OLFM3: variants seen among roughly 807,000 people sequenced by gnomAD.
OLFM3 encodes olfactomedin 3.
A neutral mutation model predicts 48.6 loss-of-function variants in OLFM3; 20 were observed. That is an observed-to-expected ratio of 0.41 (90% CI 0.29 to 0.60). The LOEUF is 0.60. Ranked by LOEUF, OLFM3 falls within the 20% of genes least tolerant of loss-of-function variation. The pLI is 0.28. For missense variants in OLFM3, 437 were observed against 544.3 expected, an observed-to-expected ratio of 0.80 and a Z score of 1.96; for synonymous variants, 222 against 198.1, an observed-to-expected ratio of 1.12 and a Z score of -1.01.
intron 1 of OLFM3, among the ~76,000 whole-genome samples, chr1:101,858,909 G>T (rs531429955): frequency 6.6e-6 from 1 of 152,062 alleles, no homozygotes; most frequent in South Asian, 2.1e-4. Context: ...GTCATTAACT[G>T]TTAGTGATTA....
At chr1:101,823,955 T>C (rs1235552992) in intron 4 of OLFM3, among the ~76,000 whole-genome samples, 2 of 150,172 alleles carry the variant, frequency 1.3e-5, no homozygotes, top group Non-Finnish European at 3.0e-5. Context: ...CTGTGATAAC[T>C]GAATGCAACA....
At chr1:101,822,798 G>A (rs1654671764) in intron 4 of OLFM3, among the ~76,000 whole-genome samples, 1 of 152,020 alleles carries the variant, frequency 6.6e-6, no homozygotes, top group South Asian at 2.1e-4. Context: ...AAATATAACA[G>A]CAGAATTTCC....
chr1:101,969,307 C>T (rs906314466), intron 1 of OLFM3, among the ~76,000 whole-genome samples: 6 of 128,360 alleles, frequency 4.7e-5, no homozygotes, highest in African/African-American at 1.8e-4. Context: ...CAACACCACG[C>T]CTGGCTATTT....
chr1:101,915,137 T>G (rs1658880693), intron 1 of OLFM3, among the ~76,000 whole-genome samples: 1 of 152,136 alleles, frequency 6.6e-6, no homozygotes, highest in Admixed American at 6.6e-5. Context: ...AATACAACAT[T>G]GCAGAAAAAG....
intron 1 of OLFM3, among the ~76,000 whole-genome samples, chr1:101,879,677 T>A (rs1370295571): frequency 6.6e-6 from 1 of 151,860 alleles, no homozygotes; most frequent in Non-Finnish European, 1.5e-5. Context: ...GAATGCCATT[T>A]TGGTAAATGT....
At chr1:101,976,835 A>G (rs983679933) in intron 1 of OLFM3, among the ~76,000 whole-genome samples, 23 of 152,164 alleles carry the variant, frequency 1.5e-4, no homozygotes, top group African/African-American at 4.8e-4. Flanking sequence ...CCTTCTAAGA[A>G]TCTAAATTAC....
intron 1 of OLFM3, among the ~76,000 whole-genome samples, chr1:101,968,342 A>C (rs981718585): frequency 4.6e-5 from 7 of 152,192 alleles, no homozygotes; most frequent in African/African-American, 1.7e-4. Flanking sequence ...GAGATTTCCA[A>C]GTCAGAGAAG....
chr1:101,815,454 G>GAAA (rs71088110), intron 4 of OLFM3, among the ~76,000 whole-genome samples: 14 of 128,040 alleles, frequency 1.1e-4, no homozygotes, highest in African/African-American at 3.7e-4. Context: ...CTCAAAAAAA[G>GAAA]AAAAAAAAAA....
chr1:101,888,736 T>G (rs1476056158), intron 1 of OLFM3, among the ~76,000 whole-genome samples: 2 of 152,046 alleles, frequency 1.3e-5, no homozygotes. Flanking sequence ...GGAGAAAATT[T>G]TTGCAATCTA....
intron 1 of OLFM3, among the ~76,000 whole-genome samples, chr1:101,995,702 A>T (rs1423302952): frequency 6.6e-6 from 1 of 152,204 alleles, no homozygotes; most frequent in Non-Finnish European, 1.5e-5. Flanking sequence ...ATTTGTCTAC[A>T]CTACACACAT....
chr1:101,898,358 T>A (rs531138654), intron 1 of OLFM3, among the ~76,000 whole-genome samples: 1 of 152,316 alleles, frequency 6.6e-6, no homozygotes, highest in African/African-American at 2.4e-5. Flanking sequence ...AGATTGAGGA[T>A]TTAGTTTCTG....
intron 1 of OLFM3, among the ~76,000 whole-genome samples, chr1:101,988,950 C>T (rs943883968): frequency 1.3e-5 from 2 of 151,984 alleles, no homozygotes; most frequent in African/African-American, 2.4e-5. Flanking sequence ...AACTTTTGTT[C>T]ATGAACAACT....
At chr1:101,864,996 A>G (rs1197684596) in intron 1 of OLFM3, among the ~76,000 whole-genome samples, 2 of 152,078 alleles carry the variant, frequency 1.3e-5, no homozygotes, top group African/African-American at 4.8e-5. Context: ...ATTTGGTTTT[A>G]TCTATTAGGT....
chr1:101,994,192 G>GTA (rs1661494428), intron 1 of OLFM3, among the ~76,000 whole-genome samples: 1 of 150,726 alleles, frequency 6.6e-6, no homozygotes, highest in African/African-American at 2.4e-5. Flanking sequence ...TCCATGTGAG[G>GTA]TATATATATT....
chr1:101,929,215 A>G (rs545557694), intron 1 of OLFM3, among the ~76,000 whole-genome samples: 1 of 152,290 alleles, frequency 6.6e-6, no homozygotes, highest in East Asian at 1.9e-4. Context: ...AAGTGCTCTC[A>G]GTGTAATCAT....
At chr1:101,973,870 T>C (rs1054346529) in intron 1 of OLFM3, among the ~76,000 whole-genome samples, 3 of 152,218 alleles carry the variant, frequency 2.0e-5, no homozygotes, top group Non-Finnish European at 4.4e-5. Flanking sequence ...TTCTGATTAT[T>C]GGCAGTTTTG....
intron 1 of OLFM3, among the ~76,000 whole-genome samples, chr1:101,867,788 A>G (rs180999283): frequency 6.6e-6 from 1 of 152,334 alleles, no homozygotes; most frequent in East Asian, 1.9e-4. Flanking sequence ...GGGTTATGCT[A>G]TGGTTTGGCT....
At chr1:101,838,964 T>C (rs758833809) in intron 1 of OLFM3, among the ~76,000 whole-genome samples, 3 of 152,182 alleles carry the variant, frequency 2.0e-5, no homozygotes, top group Non-Finnish European at 4.4e-5. Context: ...CTTTTTCTTC[T>C]GAAAGCTTTA....
rs1374654456 is a variant in OLFM3 at position 101,893,635 on chromosome 1, T to G, written c.70-56610A>C. ...TGTATGGATATACAGCTGGTTGTAG[T>G]ATTGCATGGCTTCTGAAAACCAATA... On this transcript the variant is annotated intron_variant, in intron 1 of 5. Coordinates refer to ENST00000370103, the MANE Select transcript of OLFM3 (RefSeq NM_058170.4). The G allele has an allele frequency of 2.6e-5, 5 of 189,056 alleles. No homozygotes were observed. In the Admixed American group the frequency reaches 3.0e-4, roughly 11 times the overall value. The allele number at this position is 189,056 out of a possible 1,614,324, so 11.7% of individuals were successfully genotyped here. A position where few individuals can be genotyped will look rare whatever the true frequency, so the allele number is the denominator to read the frequency against.
Sources: allele counts gnomAD v4.1 joint callset (sites outside exome capture counted in the v4.1 genomes callset), GRCh38; gene constraint gnomAD v4.1.1; transcripts MANE v1.5; gene names NCBI Gene and HGNC (gene_info 2026-07-23, HGNC 2026-07-21).